Variants in MTUS2 observed in about 807,000 individuals in gnomAD.
MTUS2 encodes microtubule-associated tumor suppressor candidate 2.
Under a neutral mutation model 114.1 loss-of-function variants are expected in MTUS2, and 40 were observed. The ratio of observed to expected loss-of-function variants is 0.35; its 90% CI spans 0.27 to 0.46. The LOEUF is 0.46. MTUS2 is among the 20% of genes least tolerant of loss of function. MTUS2 has a pLI of 1.00. For missense variants in MTUS2, 1,679 were observed against 1,705.4 expected, an observed-to-expected ratio of 0.98 and a Z score of 0.27; for synonymous variants, 688 against 672.0, an observed-to-expected ratio of 1.02 and a Z score of -0.37.
intron 8 of MTUS2, among the ~76,000 whole-genome samples, chr13:29,373,217 T>C (rs982381126): frequency 1.3e-5 from 2 of 152,210 alleles, no homozygotes; most frequent in African/African-American, 4.8e-5. Context: ...CTAATCTGTG[T>C]AGCCTTGCAG....
intron 7 of MTUS2, among the ~76,000 whole-genome samples, chr13:29,354,572 C>A (rs1373901254): frequency 6.6e-6 from 1 of 152,084 alleles, no homozygotes; most frequent in Non-Finnish European, 1.5e-5. Flanking sequence ...TCTGGTTCTT[C>A]TGTACATCAA....
rs76691609 is a variant in MTUS2 at position 29,283,442 on chromosome 13, A to G, written c.2806+1577A>G. Among the ~76,000 whole-genome samples the G allele has an allele frequency of 1.9e-3, 289 of 152,336 alleles. 3 individuals are homozygous for G. Among genetic ancestry groups the G allele is most frequent in the Admixed American group, 0.017 (254 of 15,300 alleles). On this transcript the variant is annotated intron_variant, in intron 6 of 15. Transcript: ENST00000612955. ...CAACAAATGAATGAATGGATATCACATGGCATTTGAATCTTTCAGCTACAA... is the reference window on the plus strand; with the variant it reads ...CAACAAATGAATGAATGGATATCACGTGGCATTTGAATCTTTCAGCTACAA...
Position 29,410,813 on chromosome 13 carries a change from TTTTGTTTG to T in MTUS2, c.3118-29142_3118-29135del, listed in dbSNP as rs58667275. 1.7e-3 allele frequency among the ~76,000 whole-genome samples: 250 copies of T among 150,498 alleles called. 1 individual carries two copies. The highest frequency in any genetic ancestry group is 4.9e-3 in the African/African-American group (202 of 40,938). The stretch of plus-strand genomic sequence containing the variant: ...TATAAAGTCATTCCCACACTATTGG[TTTTGTTTG>T]TTTGTTTGTTTGTTTGTTTGTTTGT... On this transcript the variant is annotated intron_variant, in intron 8 of 15. Coordinates refer to ENST00000612955, the MANE Select transcript of MTUS2 (RefSeq NM_001033602.4).
At chr13:28,829,929 A>G (rs1054533538) in intron 1 of MTUS2, among the ~76,000 whole-genome samples, 6 of 152,192 alleles carry the variant, frequency 3.9e-5, no homozygotes, top group Admixed American at 1.3e-4. Flanking sequence ...CAGACTAACA[A>G]TGAGGCTTTG....
intron 1 of MTUS2, among the ~76,000 whole-genome samples, chr13:28,833,935 A>C (rs1044792294): frequency 6.6e-6 from 1 of 152,158 alleles, no homozygotes; most frequent in African/African-American, 2.4e-5. Context: ...AGTATCAAAA[A>C]GAATAAGATA....
At chr13:29,224,297 A>C (rs529488626) in intron 5 of MTUS2, among the ~76,000 whole-genome samples, 45 of 152,272 alleles carry the variant, frequency 3.0e-4, no homozygotes, top group African/African-American at 1.0e-3. Flanking sequence ...AAGGCCCTTC[A>C]TGTCTTCTGT....
intron 5 of MTUS2, among the ~76,000 whole-genome samples, chr13:29,272,663 T>C (rs556460339): frequency 6.6e-6 from 1 of 152,304 alleles, no homozygotes; most frequent in East Asian, 1.9e-4. Context: ...TGTAGGGGGA[T>C]ATCAAGTGAC....
At chr13:29,425,702 T>C (rs1017448503) in intron 8 of MTUS2, among the ~76,000 whole-genome samples, 21 of 152,348 alleles carry the variant, frequency 1.4e-4, no homozygotes, top group African/African-American at 5.1e-4. Context: ...GGCACAATTC[T>C]ACAACATGAA....
chr13:28,976,203 C>CAAAAA (rs71090215), intron 2 of MTUS2, among the ~76,000 whole-genome samples: 86 of 89,420 alleles, frequency 9.6e-4, no homozygotes, highest in Non-Finnish European at 1.2e-3. Context: ...GACCTTGTCT[C>CAAAAA]AAAAAAAAAA....
intron 7 of MTUS2, among the ~76,000 whole-genome samples, chr13:29,338,914 G>A (rs555026056): frequency 5.9e-4 from 90 of 152,296 alleles, no homozygotes; most frequent in African/African-American, 1.9e-3. Context: ...TGTGGGCTCT[G>A]CAGGCTAAGG....
chr13:28,977,483 A>G (rs1884166387), intron 2 of MTUS2, among the ~76,000 whole-genome samples: 1 of 152,212 alleles, frequency 6.6e-6, no homozygotes, highest in Admixed American at 6.5e-5. Flanking sequence ...TCAATTCCCA[A>G]CAACTTCCTC....
chr13:28,969,676 T>C (rs1243081205), intron 2 of MTUS2, among the ~76,000 whole-genome samples: 1 of 151,916 alleles, frequency 6.6e-6, no homozygotes, highest in Non-Finnish European at 1.5e-5. Flanking sequence ...AGCTAATTTT[T>C]GTATTTTTAG....
chr13:29,085,125 A>T (rs1889632047), intron 4 of MTUS2, among the ~76,000 whole-genome samples: 1 of 152,094 alleles, frequency 6.6e-6, no homozygotes, highest in African/African-American at 2.4e-5. Context: ...TTGCCATGTG[A>T]CATGCAGGCT....
intron 4 of MTUS2, among the ~76,000 whole-genome samples, chr13:29,091,891 C>A (rs938638127): frequency 1.3e-5 from 2 of 152,186 alleles, no homozygotes; most frequent in East Asian, 1.9e-4. Context: ...AGGAACAGTG[C>A]AGAGTACATG....
intron 5 of MTUS2, among the ~76,000 whole-genome samples, chr13:29,281,343 G>C (rs1446774003): frequency 6.6e-6 from 1 of 152,058 alleles, no homozygotes; most frequent in East Asian, 1.9e-4. Context: ...TATCAAATAA[G>C]TGTTTATTAT....
chr13:29,074,761 C>T (rs1401063915), intron 4 of MTUS2, among the ~76,000 whole-genome samples: 1 of 152,124 alleles, frequency 6.6e-6, no homozygotes, highest in African/African-American at 2.4e-5. Flanking sequence ...CTTTATTTTC[C>T]TTTCCCGGAA....
chr13:28,821,296 A>G (rs1017366047), intron 1 of MTUS2, among the ~76,000 whole-genome samples: 8 of 152,234 alleles, frequency 5.3e-5, no homozygotes, highest in African/African-American at 1.9e-4. Flanking sequence ...CCTATATTAA[A>G]AAAGTCATTA....
chr13:29,002,496 A>C lies in MTUS2; in HGVS notation c.-242-21961A>C, dbSNP rs113035732. On this transcript the variant is annotated intron_variant, in intron 2 of 15. Coordinates refer to ENST00000612955, the MANE Select transcript of MTUS2 (RefSeq NM_001033602.4). ...AAGTGGTTTCAGATGATATGAAAAT[A>C]GGAAAAGTTCTATTCTGAAGCAGAA... Among the ~76,000 whole-genome samples, 460 of 152,368 alleles carry C rather than the reference A, an allele frequency of 3.0e-3. 2 individuals carry two copies. Among genetic ancestry groups the C allele is most frequent in the African/African-American group, 0.011 (437 of 41,574 alleles).
chr13:29,006,302 C>T (rs918967488), intron 2 of MTUS2, among the ~76,000 whole-genome samples: 1 of 152,180 alleles, frequency 6.6e-6, no homozygotes, highest in African/African-American at 2.4e-5. Context: ...CTCCTTCTTA[C>T]ATCTCTGGGC....
Sources: gnomAD v4.1 joint callset for allele counts (sites outside exome capture counted in the v4.1 genomes callset) on GRCh38, gnomAD v4.1.1 for gene constraint, MANE v1.5 for transcripts, NCBI Gene and HGNC (gene_info 2026-07-23, HGNC 2026-07-21) for gene names.